ZFHX3: variants seen among roughly 807,000 people sequenced by gnomAD.
ZFHX3 encodes zinc finger homeobox protein 3.
Under a neutral mutation model 279.1 loss-of-function variants are expected in ZFHX3, and 42 were observed. The ratio of observed to expected loss-of-function variants is 0.15; its 90% CI spans 0.12 to 0.19. ZFHX3 has a LOEUF of 0.19. ZFHX3 is among the 10% of genes least tolerant of loss of function. The pLI, the probability that ZFHX3 is intolerant of heterozygous loss-of-function variation, is 1.00. For synonymous variants in ZFHX3, 2,293 were observed against 1,957.8 expected (o/e 1.17, Z -4.52); for missense variants, 4,981 against 4,754.0 (o/e 1.05, Z -1.40).
intron 1 of ZFHX3, among the ~76,000 whole-genome samples, chr16:73,693,347 C>T (rs76188415): frequency 0.029 from 4,341 of 152,082 alleles, 85 homozygotes; most frequent in Middle Eastern, 0.048. Context: ...TTAAACAATG[C>T]GCCTGACCTA....
At chr16:73,319,385 G>A (rs1171723798) in intron 3 of ZFHX3, among the ~76,000 whole-genome samples, 1 of 151,978 alleles carries the variant, frequency 6.6e-6, no homozygotes, top group African/African-American at 2.4e-5. Flanking sequence ...AGGTTACTTG[G>A]CAATAGGGGA....
At chr16:73,640,512 G>C (rs1249088491) in intron 2 of ZFHX3, among the ~76,000 whole-genome samples, 1 of 152,162 alleles carries the variant, frequency 6.6e-6, no homozygotes, top group South Asian at 2.1e-4. Flanking sequence ...AAAGGTAACA[G>C]AGGACATTGC....
chr16:73,297,077 C>T (rs954486841), intron 4 of ZFHX3, among the ~76,000 whole-genome samples: 10 of 151,796 alleles, frequency 6.6e-5, no homozygotes, highest in African/African-American at 2.4e-4. Context: ...CAGGGTTTCA[C>T]CGTGTTAGCC....
intron 3 of ZFHX3, among the ~76,000 whole-genome samples, chr16:73,410,935 C>T (rs1334883750): frequency 6.6e-6 from 1 of 152,198 alleles, no homozygotes; most frequent in East Asian, 1.9e-4. Flanking sequence ...AACTACAGCC[C>T]AGCACCGAAT....
intron 1 of ZFHX3, among the ~76,000 whole-genome samples, chr16:73,037,846 C>T (rs765889846): frequency 4.6e-5 from 7 of 152,018 alleles, no homozygotes; most frequent in Non-Finnish European, 7.4e-5. Flanking sequence ...AGAGCACCAC[C>T]GGTTAAGCTA....
chr16:73,475,371 T>C (rs1435999292), intron 2 of ZFHX3, among the ~76,000 whole-genome samples: 1 of 152,212 alleles, frequency 6.6e-6, no homozygotes, highest in Admixed American at 6.5e-5. Context: ...ATTTATCTTA[T>C]TGAATCTCTT....
chr16:73,695,307 C>T (rs2053187944), intron 1 of ZFHX3, among the ~76,000 whole-genome samples: 1 of 149,478 alleles, frequency 6.7e-6, no homozygotes, highest in African/African-American at 2.5e-5. Flanking sequence ...GCGATCTCAG[C>T]TCACTGCAAC....
At chr16:73,742,391 T>C (rs968029042) in intron 1 of ZFHX3, among the ~76,000 whole-genome samples, 1 of 152,190 alleles carries the variant, frequency 6.6e-6, no homozygotes, top group Non-Finnish European at 1.5e-5. Context: ...TTCCATAGTT[T>C]CCACTACATT....
rs796488687 is a variant in ZFHX3, at chr16:73,602,937, CA to C, written c.-1547+77242del. Among the ~76,000 whole-genome samples the C allele has an allele frequency of 3.9e-3, 562 of 144,150 alleles. 6 individuals carry two copies. Among genetic ancestry groups the C allele is most frequent in the African/African-American group, 0.014 (544 of 37,894 alleles). 94.6% of individuals were successfully genotyped at this position (144,150 alleles called of 152,430 possible). ...TGGGTGAAACAGCGAGACTCTGACT[CA>C]AAAAAAAAAAAAATCACCATCTGAT... On this transcript the variant is annotated intron_variant, in intron 2 of 17. Transcript: ENST00000641206.
At chr16:73,550,516 A>C (rs2020187996) in intron 2 of ZFHX3, among the ~76,000 whole-genome samples, 1 of 152,186 alleles carries the variant, frequency 6.6e-6, no homozygotes, top group African/African-American at 2.4e-5. Context: ...AAACAGAACT[A>C]AAACTAGTTT....
chr16:73,766,906 C>G (rs1282337591), intron 1 of ZFHX3, among the ~76,000 whole-genome samples: 3 of 149,898 alleles, frequency 2.0e-5, no homozygotes, highest in African/African-American at 2.5e-5. Context: ...TAGATTGGTG[C>G]AAAGGTAATT....
intron 3 of ZFHX3, among the ~76,000 whole-genome samples, chr16:73,361,297 AG>A (rs1350423552): frequency 6.6e-6 from 1 of 152,248 alleles, no homozygotes; most frequent in African/African-American, 2.4e-5. Flanking sequence ...GCTCAAAGCA[AG>A]AAGAGGCTTG....
intron 8 of ZFHX3, among the ~76,000 whole-genome samples, chr16:73,069,251 A>T (rs559341675): frequency 5.6e-4 from 85 of 152,332 alleles, no homozygotes; most frequent in Non-Finnish European, 9.3e-4. Flanking sequence ...GGGGTATCAA[A>T]TATCTGTCTT....
At chr16:72,902,493 ATGC>A (rs2039064220) in intron 3 of ZFHX3, among the ~76,000 whole-genome samples, 2 of 152,210 alleles carry the variant, frequency 1.3e-5, no homozygotes, top group South Asian at 4.1e-4. Context: ...TTAGTTATGC[ATGC>A]TTCAGCAAGC....
At chr16:72,853,592 CTTTTA>C (rs1196395547) in intron 4 of ZFHX3, among the ~76,000 whole-genome samples, 3 of 152,124 alleles carry the variant, frequency 2.0e-5, no homozygotes, top group Non-Finnish European at 1.5e-5. Flanking sequence ...GCAGAGTTTA[CTTTTA>C]TTTTATTTTG....
chr16:73,607,772 A>T (rs2052205698), intron 2 of ZFHX3, among the ~76,000 whole-genome samples: 2 of 152,232 alleles, frequency 1.3e-5, no homozygotes, highest in Non-Finnish European at 2.9e-5. Flanking sequence ...TCTCACAAGA[A>T]GAATGGGAGA....
intron 2 of ZFHX3, among the ~76,000 whole-genome samples, chr16:73,537,664 G>T (rs1204920511): frequency 6.6e-6 from 1 of 152,218 alleles, no homozygotes. Flanking sequence ...TGTGCTTAAT[G>T]GGAAGGCGAA....
At chr16:73,779,879 C>T (rs1178869338) in intron 1 of ZFHX3, among the ~76,000 whole-genome samples, 6 of 151,938 alleles carry the variant, frequency 3.9e-5, no homozygotes, top group African/African-American at 1.2e-4. Context: ...CAGCAACACC[C>T]AGCTAATTTT....
chr16:73,624,823 T>G (rs557359745), intron 2 of ZFHX3, among the ~76,000 whole-genome samples: 4 of 152,250 alleles, frequency 2.6e-5, no homozygotes, highest in African/African-American at 9.6e-5. Flanking sequence ...TTACTCCAGG[T>G]AGTGAGGCCA....
Sources: gnomAD v4.1 joint callset for allele counts (sites outside exome capture counted in the v4.1 genomes callset) on GRCh38, gnomAD v4.1.1 for gene constraint, MANE v1.5 for transcripts, NCBI Gene and HGNC (gene_info 2026-07-23, HGNC 2026-07-21) for gene names.